Variants in HNRNPR observed in about 807,000 individuals in gnomAD.
The protein encoded by HNRNPR is heterogeneous nuclear ribonucleoprotein R.
A neutral mutation model predicts 70.3 loss-of-function variants in HNRNPR; 4 were observed. That is an observed-to-expected ratio of 0.06 (90% confidence interval 0.03 to 0.13). HNRNPR has a LOEUF of 0.13. Ranked by LOEUF, HNRNPR falls within the 10% of genes least tolerant of loss-of-function variation. The probability of loss-of-function intolerance (pLI) is 1.00; values close to 1 mark genes in which losing one functional copy is unlikely to be tolerated. For synonymous variants in HNRNPR, 241 were observed against 267.6 expected (o/e 0.90, Z 0.97); for missense variants, 423 against 788.5 (o/e 0.54, Z 5.55).
intron 1 of HNRNPR, among the ~76,000 whole-genome samples, 169 bp downstream of exon 1, chr1:23,344,042 G>T (rs1646816450): frequency 6.6e-6 from 1 of 152,078 alleles, no homozygotes; most frequent in Non-Finnish European, 1.5e-5. Flanking sequence ...GGCCGGGCTA[G>T]GCCCACAGCC....
intron 7 of HNRNPR, among the ~76,000 whole-genome samples, chr1:23,320,436 G>C (rs1030412908): frequency 2.0e-5 from 3 of 152,188 alleles, no homozygotes; most frequent in Admixed American, 2.0e-4. Flanking sequence ...CATAGAAGTA[G>C]GTAGGAGTCT....
At chr1:23,313,201 G>T (rs1477313691) in intron 9 of HNRNPR, among the ~76,000 whole-genome samples, 1 of 152,054 alleles carries the variant, frequency 6.6e-6, no homozygotes, top group Non-Finnish European at 1.5e-5. Flanking sequence ...TCCTTCATAG[G>T]TACACAAACT....
intron 5 of HNRNPR, among the ~76,000 whole-genome samples, chr1:23,332,984 G>A (rs1646304251): frequency 6.6e-6 from 1 of 152,156 alleles, no homozygotes; most frequent in Non-Finnish European, 1.5e-5. Flanking sequence ...AGGAGTTCGA[G>A]ACCAGCCTGA....
At chr1:23,319,222 C>T (rs1645662405) in intron 7 of HNRNPR, among the ~76,000 whole-genome samples, 1 of 152,110 alleles carries the variant, frequency 6.6e-6, no homozygotes, top group African/African-American at 2.4e-5. Context: ...TAAATGTTAC[C>T]TATACCCTTA....
chr1:23,309,881 C>A lies in HNRNPR; in HGVS notation c.*573G>T, dbSNP rs1645268928. The A allele has an allele frequency of 6.6e-6, 1 of 152,388 alleles. No homozygotes were observed. 9.4% of individuals were successfully genotyped at this position (152,388 alleles called of 1,614,324 possible). ...AAGAACAAATTGTCACGGCTTTTGACGTTTAAGCCAAACAAATTTTGTAGG... is the reference window on the plus strand; with the variant it reads ...AAGAACAAATTGTCACGGCTTTTGAAGTTTAAGCCAAACAAATTTTGTAGG... On this transcript the variant is annotated 3_prime_UTR_variant, in exon 11 of 11. Transcript: ENST00000302271.
Position 23,313,332 on chromosome 1 carries a change from A to G in HNRNPR, c.1167+221T>C, listed in dbSNP as rs557061754. Among the ~76,000 whole-genome samples, 50 of 152,290 alleles carry G rather than the reference A, an allele frequency of 3.3e-4. No individual in the cohort carries two copies. In the South Asian group the frequency reaches 6.2e-3, roughly 19 times the overall value. On this transcript the variant is annotated intron_variant, in intron 9 of 10. Coordinates refer to ENST00000302271, the MANE Select transcript of HNRNPR (RefSeq NM_005826.5). The stretch of plus-strand genomic sequence containing the variant: ...TCGAATCTTACAAAACAATACAGAG[A>G]TTAAAAATAACTTGCCTAAGATCAC...
chr1:23,327,283 C>T (rs1557883768), intron 5 of HNRNPR, among the ~76,000 whole-genome samples: 1 of 152,130 alleles, frequency 6.6e-6, no homozygotes, highest in Non-Finnish European at 1.5e-5. Context: ...ATTAGATATA[C>T]CTTGGACTCA....
At position 23,306,530 on chromosome 1, in the gene HNRNPR, A is replaced by C. The variant is rs1457698038; in HGVS notation, c.*3924T>G. ...TGATAGTCAGGTGATAAAAGGAAGG[A>C]GTTAAAACAGGAAAAGTACACTTGC... On this transcript the variant is annotated 3_prime_UTR_variant, in exon 11 of 11. Transcript: ENST00000302271. 6.6e-6 allele frequency: 1 copy of C among 152,184 alleles called. No individual in the cohort carries two copies. Among genetic ancestry groups the C allele is most frequent in the Non-Finnish European group, 1.5e-5 (1 of 68,026 alleles). The allele number at this position is 152,184 out of a possible 1,614,324, so 9.4% of individuals were successfully genotyped here.
At chr1:23,329,594 A>G (rs1646135514) in intron 5 of HNRNPR, among the ~76,000 whole-genome samples, 1 of 152,196 alleles carries the variant, frequency 6.6e-6, no homozygotes, top group African/African-American at 2.4e-5. Flanking sequence ...TCCATCAAGT[A>G]CTTCAACAGT....
In HNRNPR at chr1:23,308,014, C is replaced by T. The variant is rs1453251325; in HGVS notation, c.*2440G>A. ...AGATTTATTTATGTGAAAAGTTGAG[C>T]TCTGAATCTATTTTCTCTGAATGCT... On this transcript the variant is annotated 3_prime_UTR_variant, in exon 11 of 11. Transcript: ENST00000302271. The T allele has an allele frequency of 6.6e-6, 1 of 152,018 alleles. No homozygotes were observed. Among genetic ancestry groups the T allele is most frequent in the Admixed American group, 6.5e-5 (1 of 15,278 alleles). 9.4% of individuals were successfully genotyped at this position (152,018 alleles called of 1,614,324 possible).
intron 5 of HNRNPR, among the ~76,000 whole-genome samples, chr1:23,330,300 GC>G (rs11357905): frequency 0.048 from 7,247 of 152,166 alleles, 541 homozygotes; most frequent in African/African-American, 0.16. Context: ...ACTTTGGGAG[GC>G]CGAGGCGGGT....
At chr1:23,320,516 G>A (rs1645715248) in intron 7 of HNRNPR, among the ~76,000 whole-genome samples, 1 of 152,194 alleles carries the variant, frequency 6.6e-6, no homozygotes, top group Non-Finnish European at 1.5e-5. Flanking sequence ...GGCAGAAGAG[G>A]AAGACAGTGA....
In HNRNPR at chr1:23,305,843, G is replaced by A. The variant is rs1645195157; in HGVS notation, c.*4611C>T. ...TATTTCAGCTATGTAATTTCCTCTT[G>A]ACCCAAAGTCATTGTCTCAACATAT... On this transcript the variant is annotated 3_prime_UTR_variant, in exon 11 of 11. Transcript: ENST00000302271. The A allele has an allele frequency of 6.6e-6, 1 of 152,056 alleles. No individual in the cohort carries two copies. The highest frequency in any genetic ancestry group is 6.5e-5 in the Admixed American group (1 of 15,274). The allele number at this position is 152,056 out of a possible 1,614,324, so 9.4% of individuals were successfully genotyped here. A position where few individuals can be genotyped will look rare whatever the true frequency, so the allele number is the denominator to read the frequency against.
At chr1:23,329,953 T>C (rs1290999883) in intron 5 of HNRNPR, among the ~76,000 whole-genome samples, 1 of 152,156 alleles carries the variant, frequency 6.6e-6, no homozygotes, top group Non-Finnish European at 1.5e-5. Context: ...TGGGTATCTA[T>C]TAGGATTCTT....
rs1645237487 is a variant in HNRNPR at position 23,308,376 on chromosome 1, A to G, written c.*2078T>C. 1.3e-5 allele frequency: 2 copies of G among 152,078 alleles called. No individual in the cohort carries two copies. Among genetic ancestry groups the G allele is most frequent in the Non-Finnish European group, 1.5e-5 (1 of 67,908 alleles). The allele number at this position is 152,078 out of a possible 1,614,324, so 9.4% of individuals were successfully genotyped here. On this transcript the variant is annotated 3_prime_UTR_variant, in exon 11 of 11. Transcript: ENST00000302271. ...GTAGCTTGTAACACCTAATTAAGAAATACAAACAACTCAAATTTTATTTGT... is the reference window on the plus strand; with the variant it reads ...GTAGCTTGTAACACCTAATTAAGAAGTACAAACAACTCAAATTTTATTTGT...
rs963354765 is a variant in HNRNPR at position 23,308,286 on chromosome 1, T to C, written c.*2168A>G. ...GAACCCAAGTTTTAATCTTATGTTT[T>C]TGCGAGGGTTTGTTTTCTCAGAATC... On this transcript the variant is annotated 3_prime_UTR_variant, in exon 11 of 11. Transcript: ENST00000302271. The C allele has an allele frequency of 1.3e-5, 2 of 152,056 alleles. No individual in the cohort carries two copies. The highest frequency in any genetic ancestry group is 2.9e-5 in the Non-Finnish European group (2 of 67,906). 9.4% of individuals were successfully genotyped at this position (152,056 alleles called of 1,614,324 possible). A position where few individuals can be genotyped will look rare whatever the true frequency, so the allele number is the denominator to read the frequency against.
intron 7 of HNRNPR, among the ~76,000 whole-genome samples, chr1:23,319,917 T>C (rs1452616165): frequency 6.6e-6 from 1 of 152,196 alleles, no homozygotes; most frequent in African/African-American, 2.4e-5. Context: ...CTGGTTGACA[T>C]GTCATCTTAT....
At chr1:23,324,799 C>T (rs984800752) in intron 5 of HNRNPR, among the ~76,000 whole-genome samples, 3 of 152,010 alleles carry the variant, frequency 2.0e-5, no homozygotes, top group African/African-American at 7.2e-5. Context: ...TCATTTGATA[C>T]CAGATTACAA....
intron 5 of HNRNPR, among the ~76,000 whole-genome samples, chr1:23,330,113 T>C (rs1043080205): frequency 2.1e-4 from 32 of 152,186 alleles, no homozygotes; most frequent in South Asian, 4.1e-4. Context: ...AACCAAAGAA[T>C]GAGATCTCAA....
Sources: allele counts gnomAD v4.1 joint callset (sites outside exome capture counted in the v4.1 genomes callset), GRCh38; gene constraint gnomAD v4.1.1; transcripts MANE v1.5; gene names NCBI Gene and HGNC (gene_info 2026-07-23, HGNC 2026-07-21).